PDP1: variants seen among roughly 807,000 people sequenced by gnomAD.
The protein encoded by PDP1 is pyruvate dehydrogenase phosphatase catalytic subunit 1.
Under a neutral mutation model 37.1 loss-of-function variants are expected in PDP1, and 14 were observed. The ratio of observed to expected loss-of-function variants is 0.38; its 90% CI spans 0.25 to 0.59. PDP1 has a LOEUF of 0.59. PDP1 is among the 20% of genes least tolerant of loss of function. The pLI, the probability that PDP1 is intolerant of heterozygous loss-of-function variation, is 0.67. For synonymous variants in PDP1, 251 were observed against 243.3 expected (o/e 1.03, Z -0.29); for missense variants, 544 against 655.3 (o/e 0.83, Z 1.85).
chr8:93,923,416 G>T lies in PDP1; in HGVS notation c.1357G>T (p.Val453Leu). 6.2e-7 allele frequency: 1 copy of T among 1,605,314 alleles called. No homozygotes were observed. Among genetic ancestry groups the T allele is most frequent in the East Asian group, 2.2e-5 (1 of 44,734 alleles). ...QQPIAVGGYK[V>L]TLGQMHGLLT... ...GCCAATAGCTGTTGGTGGCTACAAG[G>T]TGACTCTGGGACAGATGCATGGCCT... Residue 453 changes from valine to leucine, a missense_variant, in exon 2 of 2, where the codon GTG becomes TTG. Physicochemically the swap from Val to Leu is conservative, Grantham distance 32. Around this residue, in one of 5 missense-constraint regions of PDP1, gnomAD observed 159 missense variants for 165.5 expected, o/e 0.96. Transcript: ENST00000297598. This position sits in a 1 kb window ranked among gnomAD's most constrained non-coding sequence, Gnocchi z 4.3.
Position 93,922,977 on chromosome 8 carries a change from A to G in PDP1, c.918A>G (p.Ser306=). The G allele has an allele frequency of 3.1e-6, 5 of 1,614,218 alleles. No homozygotes were observed. Among genetic ancestry groups the G allele is most frequent in the Non-Finnish European group, 2.5e-6 (3 of 1,180,034 alleles). Residue 306 remains serine (S), a synonymous_variant, in exon 2 of 2, where the codon TCA becomes TCG. Transcript: ENST00000297598. The surrounding 1 kb of genome is among the most constrained non-coding windows in gnomAD (Gnocchi z 4.0). ...LGVQEEDGSW[S]AVTLSNDHNA... Reference sequence around the variant, plus strand: ...TGCAGGAAGAGGACGGCTCATGGTCAGCAGTCACGCTGTCTAATGACCACA... The same window carrying G: ...TGCAGGAAGAGGACGGCTCATGGTCGGCAGTCACGCTGTCTAATGACCACA...
chr8:93,919,049 T>TA, intron 1 of PDP1: 1 of 421,416 alleles, frequency 2.4e-6, no homozygotes, highest in Non-Finnish European at 3.2e-6. Flanking sequence ...AACTGAAAGA[T>TA]AGAGTCAATA....
rs1446340264 is a variant in PDP1 at position 93,923,653 on chromosome 8, G to T, written c.1594G>T (p.Ala532Ser). Residue 532 changes from alanine to serine, a missense_variant, in exon 2 of 2, where the codon GCG becomes TCG. Coordinates refer to ENST00000297598, the MANE Select transcript of PDP1 (RefSeq NM_018444.4). The surrounding 1 kb of genome is among the most constrained non-coding windows in gnomAD (Gnocchi z 4.3). ...VVQFNSHVVG[A>S]YQNQE Reference sequence around the variant, plus strand: ...TCAGTTCAATTCTCATGTTGTAGGGGCGTATCAAAACCAAGAATAGTGAGT... The same window carrying T: ...TCAGTTCAATTCTCATGTTGTAGGGTCGTATCAAAACCAAGAATAGTGAGT... The T allele has an allele frequency of 6.2e-7, 1 of 1,613,816 alleles. No homozygotes were observed.
intron 1 of PDP1, chr8:93,917,667 G>T: frequency 1.3e-6 from 1 of 747,688 alleles, no homozygotes; most frequent in East Asian, 2.8e-5. Context: ...CCCCGGCGGG[G>T]TGGGTTGGTT....
Position 93,923,811 on chromosome 8 carries a change from C to T in PDP1, c.*138C>T, listed in dbSNP as rs1810363050. ...TTTTGATACTCTAGCTAGTCAGGTA[C>T]TCCAAATTGACTTTGCAGCAGGGTG... On this transcript the variant is annotated 3_prime_UTR_variant, in exon 2 of 2. Coordinates refer to ENST00000297598, the MANE Select transcript of PDP1 (RefSeq NM_018444.4). This position sits in a 1 kb window ranked among gnomAD's most constrained non-coding sequence, Gnocchi z 4.3. 1 of 790,110 alleles carries T rather than the reference C, an allele frequency of 1.3e-6. No homozygotes were observed. Among genetic ancestry groups the T allele is most frequent in the South Asian group, 1.5e-5 (1 of 66,936 alleles). 48.9% of individuals were successfully genotyped at this position (790,110 alleles called of 1,614,324 possible).
rs1332517927 is a variant in PDP1, at chr8:93,924,140, T to G, written c.*467T>G. 1 of 171,700 alleles carries G rather than the reference T, an allele frequency of 5.8e-6. No individual in the cohort carries two copies. The highest frequency in any genetic ancestry group is 1.9e-4 in the South Asian group (1 of 5,270). The allele number at this position is 171,700 out of a possible 1,614,324, so 10.6% of individuals were successfully genotyped here. The stretch of plus-strand genomic sequence containing the variant: ...ATACACAGTCTATGCATTATTCATA[T>G]ACATTTATTTTAGCCTAAAGTGGTT... On this transcript the variant is annotated 3_prime_UTR_variant, in exon 2 of 2. Coordinates refer to ENST00000297598, the MANE Select transcript of PDP1 (RefSeq NM_018444.4).
chr8:93,922,733 G>A lies in PDP1; in HGVS notation c.674G>A (p.Gly225Asp). ...YWQELIDLNT[G>D]ESTDIDVKEA... is the part of the protein sequence containing the mutation. ...CAAGAGCTTATAGACCTCAACACTG[G>A]TGAGTCGACTGATATTGATGTTAAG... The change falls in exon 2 of 2, where the codon GGT becomes GAT. Residue 225 changes from glycine to aspartate, a missense_variant. Physicochemically the swap from Gly to Asp is moderately conservative, Grantham distance 94 (BLOSUM62 -1). This residue lies in a region of PDP1 where 342 missense variants were observed against 414.0 expected (regional missense o/e 0.83). Transcript: ENST00000297598. The surrounding 1 kb of genome is among the most constrained non-coding windows in gnomAD (Gnocchi z 4.0). The A allele has an allele frequency of 1.2e-6, 2 of 1,614,114 alleles. No individual in the cohort carries two copies. Among genetic ancestry groups the A allele is most frequent in the Non-Finnish European group, 1.7e-6 (2 of 1,179,984 alleles).
chr8:93,922,536 CTT>C lies in PDP1; in HGVS notation c.480_481del (p.Phe160LeufsTer11), dbSNP rs1159542570. On this transcript the variant is annotated frameshift_variant, in exon 2 of 2. Transcript: ENST00000297598. LOFTEE classifies it high-confidence loss of function. The surrounding 1 kb of genome is among the most constrained non-coding windows in gnomAD (Gnocchi z 4.0). ...ACSQAVSERL[F>X]YYIAVSLLPH... ...GTTCCCAGGCAGTCAGTGAAAGACT[CTT>C]TTATTATATTGCTGTCTCTTTGTTA... The C allele has an allele frequency of 6.2e-7, 1 of 1,613,770 alleles. No homozygotes were observed. Among genetic ancestry groups the C allele is most frequent in the Non-Finnish European group, 8.5e-7 (1 of 1,180,030 alleles).
Position 93,923,345 on chromosome 8 carries a change from T to C in PDP1, c.1286T>C (p.Val429Ala). The C allele has an allele frequency of 6.2e-7, 1 of 1,614,106 alleles. No individual in the cohort carries two copies. Among genetic ancestry groups the C allele is most frequent in the Non-Finnish European group, 8.5e-7 (1 of 1,179,942 alleles). Residue 429 changes from valine to alanine, a missense_variant, in exon 2 of 2, where the codon GTG becomes GCG. Physicochemically the swap from Val to Ala is moderately conservative, Grantham distance 64. Coordinates refer to ENST00000297598, the MANE Select transcript of PDP1 (RefSeq NM_018444.4). This position sits in a 1 kb window ranked among gnomAD's most constrained non-coding sequence, Gnocchi z 4.3. Reference sequence around the variant, plus strand: ...TGGGAGACTATGCATAGGCAGGATGTGGTTAGGATTGTGGGTGAGTACCTA... The same window carrying C: ...TGGGAGACTATGCATAGGCAGGATGCGGTTAGGATTGTGGGTGAGTACCTA... ...GLWETMHRQD[V>A]VRIVGEYLTG...
At chr8:93,919,499 C>T (rs1248656684) in intron 1 of PDP1, among the ~76,000 whole-genome samples, 2 of 37,806 alleles carry the variant, frequency 5.3e-5, no homozygotes, top group Non-Finnish European at 4.6e-5. Context: ...CCCTCCCTCC[C>T]CCCCCCCGGC....
chr8:93,922,210 G>A lies in PDP1; in HGVS notation c.151G>A (p.Ala51Thr), dbSNP rs1156387306. 5 of 1,614,036 alleles carry A rather than the reference G, an allele frequency of 3.1e-6. No homozygotes were observed. The East Asian group carries it at 1.1e-4, about 36-fold the overall frequency. The change falls in exon 2 of 2, where the codon GCA (alanine) becomes ACA (threonine). Residue 51 changes from alanine (A) to threonine (T), a missense_variant. Ala to Thr is a moderately conservative substitution (Grantham distance 58, BLOSUM62 0). Coordinates refer to ENST00000297598, the MANE Select transcript of PDP1 (RefSeq NM_018444.4). The surrounding 1 kb of genome is among the most constrained non-coding windows in gnomAD (Gnocchi z 4.0). ...QSRLRYTPHP[A>T]YATFCRPKEN... Reference sequence around the variant, plus strand: ...TCGACTGAGATACACACCTCATCCAGCATATGCTACCTTTTGCAGGCCAAA... The same window carrying A: ...TCGACTGAGATACACACCTCATCCAACATATGCTACCTTTTGCAGGCCAAA...
chr8:93,923,014 G>A lies in PDP1; in HGVS notation c.955G>A (p.Glu319Lys). ...GTCTAATGACCACAATGCTCAAAATGAAAGAGAACTAGAACGGCTGAAATT... is the reference window on the plus strand; with the variant it reads ...GTCTAATGACCACAATGCTCAAAATAAAAGAGAACTAGAACGGCTGAAATT... The part of the protein sequence containing the change: ...TLSNDHNAQN[E>K]RELERLKLEH... Residue 319 changes from glutamate (E) to lysine (K), a missense_variant, in exon 2 of 2, where the codon GAA becomes AAA. Physicochemically the swap from Glu to Lys is moderately conservative, Grantham distance 56. Transcript: ENST00000297598. The surrounding 1 kb of genome is among the most constrained non-coding windows in gnomAD (Gnocchi z 4.3). 6.2e-7 allele frequency: 1 copy of A among 1,614,174 alleles called. No homozygotes were observed. Among genetic ancestry groups the A allele is most frequent in the African/African-American group, 1.3e-5 (1 of 75,036 alleles).
chr8:93,919,495 C>CA (rs1810193245), intron 1 of PDP1, among the ~76,000 whole-genome samples: 1 of 70,086 alleles, frequency 1.4e-5, no homozygotes, highest in African/African-American at 5.8e-5. Flanking sequence ...GCTGCCCTCC[C>CA]TCCCCCCCCC....
chr8:93,918,375 C>T (rs1188848487), intron 1 of PDP1, among the ~76,000 whole-genome samples: 2 of 152,188 alleles, frequency 1.3e-5, no homozygotes, highest in Non-Finnish European at 2.9e-5. Flanking sequence ...CTAAAGGGCT[C>T]TGGAGTCGGT....
intron 1 of PDP1, 111 bp from the exon 2 acceptor site, chr8:93,921,905 G>T: frequency 1.4e-6 from 1 of 718,596 alleles, no homozygotes. Context: ...TCTAGCAAAG[G>T]CTTAACATGT....
intron 1 of PDP1, among the ~76,000 whole-genome samples, chr8:93,918,386 G>A (rs554644730): frequency 6.6e-6 from 1 of 152,304 alleles, no homozygotes; most frequent in South Asian, 2.1e-4. Context: ...TGGAGTCGGT[G>A]CCTTAATAGC....
chr8:93,923,641 C>T lies in PDP1; in HGVS notation c.1582C>T (p.His528Tyr). 2 of 1,613,980 alleles carry T rather than the reference C, an allele frequency of 1.2e-6. No homozygotes were observed. The highest frequency in any genetic ancestry group is 8.5e-7 in the Non-Finnish European group (1 of 1,179,960). ...AATCATTGTAGTTCAGTTCAATTCT[C>T]ATGTTGTAGGGGCGTATCAAAACCA... is the stretch of plus-strand genomic sequence containing the variant. Reference protein sequence around the residue: ...ITIIVVQFNSHVVGAYQNQE With the variant: ...ITIIVVQFNSYVVGAYQNQE The change falls in exon 2 of 2, where the codon CAT (histidine) becomes TAT (tyrosine). Residue 528 changes from histidine to tyrosine, a missense_variant. Around this residue, in one of 5 missense-constraint regions of PDP1, gnomAD observed 159 missense variants for 165.5 expected, o/e 0.96. Coordinates refer to ENST00000297598, the MANE Select transcript of PDP1 (RefSeq NM_018444.4). This position sits in a 1 kb window ranked among gnomAD's most constrained non-coding sequence, Gnocchi z 4.3.
chr8:93,917,772 G>C, intron 1 of PDP1: 1 of 1,524,244 alleles, frequency 6.6e-7, no homozygotes. Flanking sequence ...GCGAGACCTC[G>C]CCCCTCCTCC....
intron 1 of PDP1, chr8:93,919,188 G>C (rs935453847): frequency 9.1e-6 from 8 of 881,850 alleles, no homozygotes; most frequent in African/African-American, 7.2e-5. Flanking sequence ...ATTGCTTTTT[G>C]TCACTAGATT....
Sources: gnomAD v4.1 joint callset for allele counts (sites outside exome capture counted in the v4.1 genomes callset) on GRCh38, gnomAD v4.1.1 for gene constraint, gnomAD v4.1.1 regional missense constraint, Gnocchi (gnomAD v3.1) non-coding constraint, MANE v1.5 for transcripts, NCBI Gene and HGNC (gene_info 2026-07-23, HGNC 2026-07-21) for gene names.